Variants in FTO observed in about 807,000 individuals in gnomAD.
FTO encodes the protein alpha-ketoglutarate-dependent dioxygenase FTO.
Under a neutral mutation model 63.9 loss-of-function variants are expected in FTO, and 47 were observed. The ratio of observed to expected loss-of-function variants is 0.74; its 90% CI spans 0.58 to 0.94. The LOEUF is 0.94. Among genes scored for constraint, FTO ranks in the 40% least tolerant of loss-of-function variants. The pLI is 0.00. For synonymous variants in FTO, 207 were observed against 224.4 expected (o/e 0.92, Z 0.69); for missense variants, 562 against 618.1 (o/e 0.91, Z 0.96).
intron 8 of FTO, among the ~76,000 whole-genome samples, chr16:54,053,279 C>T (rs2085352830): frequency 6.6e-6 from 1 of 152,194 alleles, no homozygotes; most frequent in Non-Finnish European, 1.5e-5. Flanking sequence ...GGGCTAGCGC[C>T]TGTTTTCAGC....
At chr16:54,023,256 AT>A (rs2084640300) in intron 8 of FTO, among the ~76,000 whole-genome samples, 1 of 152,166 alleles carries the variant, frequency 6.6e-6, no homozygotes, top group South Asian at 2.1e-4. Context: ...GGGTAACTTT[AT>A]TCATGACTTT....
At chr16:53,819,278 T>C (rs911953650) in intron 2 of FTO, among the ~76,000 whole-genome samples, 1 of 152,208 alleles carries the variant, frequency 6.6e-6, no homozygotes, top group Admixed American at 6.5e-5. Context: ...CAAGCCATCC[T>C]TCCACCTCAG....
chr16:53,759,690 T>C (rs1487772148), intron 1 of FTO, among the ~76,000 whole-genome samples: 1 of 64,360 alleles, frequency 1.6e-5, no homozygotes. Context: ...AAAGACTCCT[T>C]CTCAAAAAAA....
chr16:53,982,465 C>T (rs1411889099), intron 8 of FTO, among the ~76,000 whole-genome samples: 1 of 152,096 alleles, frequency 6.6e-6, no homozygotes, highest in African/African-American at 2.4e-5. Flanking sequence ...ATGTTATCAT[C>T]GGAGGGGTTT....
chr16:54,042,525 G>C (rs1171871105), intron 8 of FTO, among the ~76,000 whole-genome samples: 1 of 54,740 alleles, frequency 1.8e-5, no homozygotes, highest in Non-Finnish European at 2.9e-5. Flanking sequence ...CAACGAGGCT[G>C]GGGGAGGGGC....
chr16:53,789,839 T>A (rs895730317), intron 1 of FTO, among the ~76,000 whole-genome samples: 4 of 148,630 alleles, frequency 2.7e-5, no homozygotes, highest in Non-Finnish European at 5.9e-5. Context: ...TGTATGTATA[T>A]TCCAGACAAA....
intron 8 of FTO, among the ~76,000 whole-genome samples, chr16:53,966,857 C>T (rs2083206658): frequency 6.6e-6 from 1 of 152,168 alleles, no homozygotes; most frequent in Admixed American, 6.5e-5. Flanking sequence ...CTAAACCCTT[C>T]CCCGAAAGCC....
rs75693357 is a variant in FTO at position 53,912,629 on chromosome 16, T to C, written c.1240-21356T>C. Among the ~76,000 whole-genome samples, 1,501 of 152,254 alleles carry C rather than the reference T, an allele frequency of 9.9e-3. 27 individuals are homozygous for C. The highest frequency in any genetic ancestry group is 0.035 in the African/African-American group (1,436 of 41,536). ...ACAGATTGCATGGGGAATGTTGAGG[T>C]TGGAGCCTCTTCTTAATGGGGATTT... On this transcript the variant is annotated intron_variant, in intron 7 of 8. Coordinates refer to ENST00000471389, the MANE Select transcript of FTO (RefSeq NM_001080432.3).
intron 7 of FTO, among the ~76,000 whole-genome samples, chr16:53,926,236 G>A (rs951249755): frequency 6.6e-6 from 1 of 152,116 alleles, no homozygotes; most frequent in African/African-American, 2.4e-5. Flanking sequence ...TCTTGATTCT[G>A]TTACTTAAAA....
chr16:53,900,638 A>G (rs1334350866), intron 7 of FTO, among the ~76,000 whole-genome samples: 3 of 60,848 alleles, frequency 4.9e-5, no homozygotes, highest in Non-Finnish European at 8.2e-5. Context: ...TTTTTTTTGC[A>G]GATAAGTGTG....
At chr16:53,863,972 A>T (rs2080241730) in intron 4 of FTO, among the ~76,000 whole-genome samples, 1 of 152,136 alleles carries the variant, frequency 6.6e-6, no homozygotes. Context: ...AGAGGTTTTG[A>T]TCCATTTTTA....
In FTO at chr16:53,845,153, A is replaced by AT. The variant is rs2079585617; in HGVS notation, c.895+861dup. ...TAATGCGCAATGTGTAAACAGTATC[A>AT]TTTTTTACTCACAAAGCTTCTCAGG... On this transcript the variant is annotated intron_variant, in intron 4 of 8. Coordinates refer to ENST00000471389, the MANE Select transcript of FTO (RefSeq NM_001080432.3). Among the ~76,000 whole-genome samples the AT allele has an allele frequency of 3.3e-5, 5 of 152,184 alleles. No individual in the cohort carries two copies. The South Asian group carries it at 1.0e-3, about 32-fold the overall frequency.
At chr16:54,025,892 A>T (rs984389818) in intron 8 of FTO, among the ~76,000 whole-genome samples, 14 of 152,170 alleles carry the variant, frequency 9.2e-5, no homozygotes, top group African/African-American at 3.1e-4. Flanking sequence ...GGGTGCCTGT[A>T]ATCCCACCTA....
intron 4 of FTO, among the ~76,000 whole-genome samples, chr16:53,858,264 T>C (rs2080067639): frequency 6.6e-6 from 1 of 152,208 alleles, no homozygotes. Flanking sequence ...CTTCTTTGAC[T>C]GGATGATATA....
At chr16:54,093,653 T>C (rs1441533415) in intron 8 of FTO, among the ~76,000 whole-genome samples, 6 of 152,186 alleles carry the variant, frequency 3.9e-5, no homozygotes, top group Non-Finnish European at 8.8e-5. Context: ...TCCTCTATAA[T>C]GACATTCTGC....
chr16:53,965,383 C>T (rs1044391657), intron 8 of FTO, among the ~76,000 whole-genome samples: 1 of 152,110 alleles, frequency 6.6e-6, no homozygotes, highest in Admixed American at 6.6e-5. Context: ...ATGTTAGCTC[C>T]ATATAGTAGG....
rs189077635 is a variant in FTO, at chr16:53,828,305, C to T, written c.751+1814C>T. 1.5e-3 allele frequency among the ~76,000 whole-genome samples: 234 copies of T among 152,156 alleles called. 1 individual carries two copies. The highest frequency in any genetic ancestry group is 4.8e-3 in the African/African-American group (201 of 41,528). The stretch of plus-strand genomic sequence containing the variant: ...TGCGATCTCCACTCACTGCAAGCTC[C>T]GCCTCCCAGGTTCACGCCATTCTTC... On this transcript the variant is annotated intron_variant, in intron 3 of 8. Transcript: ENST00000471389.
At chr16:54,097,341 G>C (rs1284741718) in intron 8 of FTO, among the ~76,000 whole-genome samples, 1 of 150,718 alleles carries the variant, frequency 6.6e-6, no homozygotes, top group African/African-American at 2.5e-5. Flanking sequence ...TTTTGTTGTT[G>C]TTGTTGTGTT....
At chr16:53,755,442 A>G (rs2076899533) in intron 1 of FTO, among the ~76,000 whole-genome samples, 1 of 152,108 alleles carries the variant, frequency 6.6e-6, no homozygotes, top group Admixed American at 6.6e-5. Context: ...TACTTGAGGG[A>G]TTACAGGGAG....
Sources: allele counts gnomAD v4.1 joint callset (sites outside exome capture counted in the v4.1 genomes callset), GRCh38; gene constraint gnomAD v4.1.1; transcripts MANE v1.5; gene names NCBI Gene and HGNC (gene_info 2026-07-23, HGNC 2026-07-21).